The following FGF12 variants were observed in gnomAD, a reference collection of about 807,000 sequenced individuals.
FGF12 encodes the protein fibroblast growth factor 12B.
A neutral mutation model predicts 23.6 loss-of-function variants in FGF12; 14 were observed. That is an observed-to-expected ratio of 0.59 (90% confidence interval 0.39 to 0.93). The LOEUF (loss-of-function observed/expected upper bound fraction) is 0.93, where lower values mean the gene tolerates loss of function less well. Ranked by LOEUF, FGF12 falls within the 40% of genes least tolerant of loss-of-function variation. The probability of loss-of-function intolerance (pLI) is 0.00; values close to 1 mark genes in which losing one functional copy is unlikely to be tolerated. For synonymous variants in FGF12, 62 were observed against 77.3 expected, an observed-to-expected ratio of 0.80 and a Z score of 1.04; for missense variants, 175 against 217.8, an observed-to-expected ratio of 0.80 and a Z score of 1.24.
rs933939389 is a variant in FGF12, at chr3:192,143,264, T to A, written c.*745A>T. 1.3e-5 allele frequency: 2 copies of A among 150,582 alleles called. No individual in the cohort carries two copies. Among genetic ancestry groups the A allele is most frequent in the African/African-American group, 2.4e-5 (1 of 41,088 alleles). The allele number at this position is 150,582 out of a possible 1,614,324, so 9.3% of individuals were successfully genotyped here. ...AAAGAAAGAAGAACTCCGGAAATAA[T>A]ATCTTTGATAAAAATGTTATACTCT... On this transcript the variant is annotated 3_prime_UTR_variant, in exon 6 of 6. Transcript: ENST00000445105.
chr3:192,584,036 C>T (rs911865409), intron 2 of FGF12, among the ~76,000 whole-genome samples: 6 of 152,114 alleles, frequency 3.9e-5, no homozygotes, highest in East Asian at 1.9e-4. Context: ...TTAATGATTC[C>T]GGTATTTCTA....
intron 4 of FGF12, among the ~76,000 whole-genome samples, chr3:192,262,745 T>A (rs1356083797): frequency 3.3e-5 from 5 of 152,066 alleles, no homozygotes; most frequent in African/African-American, 1.2e-4. Context: ...AGGATGCATT[T>A]CTCACATGTA....
intron 2 of FGF12, among the ~76,000 whole-genome samples, chr3:192,550,004 C>T (rs2108584697): frequency 6.6e-6 from 1 of 152,126 alleles, no homozygotes; most frequent in African/African-American, 2.4e-5. Context: ...AATAAATCTC[C>T]TCCCTCTGTC....
intron 4 of FGF12, among the ~76,000 whole-genome samples, chr3:192,300,459 A>G (rs1358878818): frequency 6.6e-6 from 1 of 152,108 alleles, no homozygotes; most frequent in East Asian, 1.9e-4. Flanking sequence ...ATCCTGGACT[A>G]CCAATCTATT....
chr3:192,317,405 G>A (rs1716284697), intron 4 of FGF12, among the ~76,000 whole-genome samples: 1 of 152,010 alleles, frequency 6.6e-6, no homozygotes, highest in South Asian at 2.1e-4. Context: ...GCTGACTGAG[G>A]AGCCCTTGGA....
intron 2 of FGF12, among the ~76,000 whole-genome samples, chr3:192,392,867 A>G (rs1275658520): frequency 1.3e-5 from 2 of 152,210 alleles, no homozygotes; most frequent in Non-Finnish European, 2.9e-5. Context: ...AGTGGGTTCA[A>G]ATATGAAGGT....
chr3:192,246,665 A>G lies in FGF12; in HGVS notation c.229-76009T>C, dbSNP rs556092694. 2.0e-5 allele frequency among the ~76,000 whole-genome samples: 3 copies of G among 152,022 alleles called. No individual in the cohort carries two copies. The South Asian group carries it at 6.2e-4, about 32-fold the overall frequency. On this transcript the variant is annotated intron_variant, in intron 4 of 5. Coordinates refer to ENST00000445105, the MANE Select transcript of FGF12 (RefSeq NM_004113.6). ...ATGGCGAAACCCCATCTCTACTGAAAACACAAAAAATTAGCCAGGTGCAGT... is the reference window on the plus strand; with the variant it reads ...ATGGCGAAACCCCATCTCTACTGAAGACACAAAAAATTAGCCAGGTGCAGT...
At chr3:192,272,915 G>GA (rs1307313488) in intron 4 of FGF12, among the ~76,000 whole-genome samples, 1 of 152,072 alleles carries the variant, frequency 6.6e-6, no homozygotes, top group Non-Finnish European at 1.5e-5. Context: ...AGTTTCAGAA[G>GA]AAAAAATGTC....
chr3:192,661,995 A>G (rs777352674), intron 2 of FGF12, among the ~76,000 whole-genome samples: 3 of 152,176 alleles, frequency 2.0e-5, no homozygotes, highest in Non-Finnish European at 4.4e-5. Context: ...CCACTCCCTA[A>G]TGAAAAATCC....
rs997265721 is a variant in FGF12 at position 192,142,073 on chromosome 3, A to C, written c.*1936T>G. 1 of 152,466 alleles carries C rather than the reference A, an allele frequency of 6.6e-6. No homozygotes were observed. Among genetic ancestry groups the C allele is most frequent in the African/African-American group, 2.4e-5 (1 of 41,424 alleles). 9.4% of individuals were successfully genotyped at this position (152,466 alleles called of 1,614,324 possible). Reference sequence around the variant, plus strand: ...AGCAAGTCCATTTTTAGAAAATTTAAATGTCTTTATTTGTTACTTTCCAAA... The same window carrying C: ...AGCAAGTCCATTTTTAGAAAATTTACATGTCTTTATTTGTTACTTTCCAAA... On this transcript the variant is annotated 3_prime_UTR_variant, in exon 6 of 6. Coordinates refer to ENST00000445105, the MANE Select transcript of FGF12 (RefSeq NM_004113.6).
chr3:192,456,429 C>T (rs1290107857), intron 2 of FGF12, among the ~76,000 whole-genome samples: 1 of 152,010 alleles, frequency 6.6e-6, no homozygotes, highest in Non-Finnish European at 1.5e-5. Flanking sequence ...GTTTTGAATA[C>T]CTCATTAAAA....
At position 192,142,448 on chromosome 3, in the gene FGF12, T is replaced by G. The variant is rs1404311098; in HGVS notation, c.*1561A>C. The G allele has an allele frequency of 1.3e-5, 2 of 151,552 alleles. No homozygotes were observed. Among genetic ancestry groups the G allele is most frequent in the South Asian group, 2.1e-4 (1 of 4,760 alleles). 9.4% of individuals were successfully genotyped at this position (151,552 alleles called of 1,614,324 possible). On this transcript the variant is annotated 3_prime_UTR_variant, in exon 6 of 6. Coordinates refer to ENST00000445105, the MANE Select transcript of FGF12 (RefSeq NM_004113.6). ...GAAGTTACATGCTATGTCTTCTCAT[T>G]GATAATATCCATAAATCTGCATACA...
At chr3:192,258,884 C>T (rs985451716) in intron 4 of FGF12, among the ~76,000 whole-genome samples, 5 of 152,126 alleles carry the variant, frequency 3.3e-5, no homozygotes, top group East Asian at 1.9e-4. Context: ...CAGAAATATG[C>T]GTCACTAACG....
chr3:192,353,762 A>T (rs1025458709), intron 3 of FGF12, among the ~76,000 whole-genome samples: 3 of 152,174 alleles, frequency 2.0e-5, no homozygotes, highest in Admixed American at 6.5e-5. Flanking sequence ...TCCCCTTATG[A>T]TTTTATGTAA....
intron 4 of FGF12, among the ~76,000 whole-genome samples, chr3:192,258,380 C>G (rs1445408246): frequency 6.6e-6 from 1 of 152,082 alleles, no homozygotes; most frequent in African/African-American, 2.4e-5. Flanking sequence ...ATCACTTGAA[C>G]CCGCGAGGCA....
At chr3:192,660,544 G>T (rs1471451234) in intron 2 of FGF12, among the ~76,000 whole-genome samples, 1 of 151,468 alleles carries the variant, frequency 6.6e-6, no homozygotes, top group South Asian at 2.1e-4. Context: ...CAAGTAGGAC[G>T]TAATGTAAAG....
intron 4 of FGF12, among the ~76,000 whole-genome samples, chr3:192,274,015 CA>C (rs1713618596): frequency 6.6e-6 from 1 of 151,994 alleles, no homozygotes; most frequent in Admixed American, 6.6e-5. Context: ...ATGATTTTTA[CA>C]AACATAAAAC....
chr3:192,518,463 G>A (rs1204672635), intron 2 of FGF12, among the ~76,000 whole-genome samples: 1 of 152,078 alleles, frequency 6.6e-6, no homozygotes, highest in Non-Finnish European at 1.5e-5. Context: ...TTTCTATTAA[G>A]ACTAAACATA....
intron 2 of FGF12, among the ~76,000 whole-genome samples, chr3:192,377,726 C>T (rs1052218993): frequency 6.6e-6 from 1 of 152,154 alleles, no homozygotes; most frequent in Admixed American, 6.5e-5. Flanking sequence ...GTGAGAGTCT[C>T]CCAGGGCCAG....
Sources: gnomAD v4.1 joint callset for allele counts (sites outside exome capture counted in the v4.1 genomes callset) on GRCh38, gnomAD v4.1.1 for gene constraint, MANE v1.5 for transcripts, NCBI Gene and HGNC (gene_info 2026-07-23, HGNC 2026-07-21) for gene names.